The following MCUB variants were observed in gnomAD, a reference collection of about 807,000 sequenced individuals.
MCUB encodes calcium uniporter regulatory subunit MCUb, mitochondrial.
MCUB carries 46 observed loss-of-function variants against 41.4 expected under a neutral mutation model. That is an observed-to-expected ratio of 1.11 (90% CI 0.88 to 1.42). The LOEUF (loss-of-function observed/expected upper bound fraction) is 1.42. MCUB is among the 40% of genes most tolerant of loss of function. The probability of loss-of-function intolerance (pLI) is 0.00; values close to 1 mark genes in which losing one functional copy is unlikely to be tolerated. For synonymous variants in MCUB, 148 were observed against 148.2 expected, an observed-to-expected ratio of 1.00 and a Z score of 0.01; for missense variants, 403 against 404.9, an observed-to-expected ratio of 1.00 and a Z score of 0.04.
chr4:109,597,987 T>G (rs1727619532), intron 1 of MCUB, among the ~76,000 whole-genome samples: 1 of 145,938 alleles, frequency 6.9e-6, no homozygotes, highest in South Asian at 2.2e-4. Context: ...TCCCCACATC[T>G]CAGACGATGG....
chr4:109,560,401 C>T lies in MCUB; in HGVS notation c.64C>T (p.Pro22Ser), dbSNP rs1726592850. 1.5e-6 allele frequency: 2 copies of T among 1,320,858 alleles called. No homozygotes were observed. Among genetic ancestry groups the T allele is most frequent in the Admixed American group, 3.5e-5 (1 of 28,298 alleles). The allele number at this position is 1,320,858 out of a possible 1,614,324, so 81.8% of individuals were successfully genotyped here. The stretch of plus-strand genomic sequence containing the variant: ...GCTGCCGACCCCTGGCACCTGGCGC[C>T]CAGCGCGCCCGTGGCCGCTGCCGCC... ...RLLPTPGTWR[P>S]ARPWPLPPPP... Residue 22 changes from proline (P) to serine (S), a missense_variant, in exon 1 of 8, where the codon CCA becomes TCA. Physicochemically the swap from Pro to Ser is moderately conservative, Grantham distance 74. Coordinates refer to ENST00000394650, the MANE Select transcript of MCUB (RefSeq NM_017918.5).
At chr4:109,618,505 T>C (rs1449606323) in intron 1 of MCUB, among the ~76,000 whole-genome samples, 1 of 152,228 alleles carries the variant, frequency 6.6e-6, no homozygotes, top group East Asian at 1.9e-4. Flanking sequence ...CAAATCCTTG[T>C]CTTAGGCTCT....
At chr4:109,642,948 T>C (rs1209130749) in intron 1 of MCUB, among the ~76,000 whole-genome samples, 2 of 141,166 alleles carry the variant, frequency 1.4e-5, no homozygotes, top group Non-Finnish European at 1.5e-5. Context: ...CGGGCTGGAG[T>C]GCAATGGCGT....
intron 1 of MCUB, among the ~76,000 whole-genome samples, chr4:109,601,437 C>G (rs1404442317): frequency 6.6e-6 from 1 of 152,154 alleles, no homozygotes; most frequent in Non-Finnish European, 1.5e-5. Context: ...TCTACTTTCT[C>G]TCTCCATGAG....
In MCUB at chr4:109,652,746, T is replaced by G. The variant is rs531666421; in HGVS notation, c.100-6265T>G. 1.1e-4 allele frequency among the ~76,000 whole-genome samples: 17 copies of G among 152,340 alleles called. No homozygotes were observed. In the East Asian group the frequency reaches 3.1e-3, roughly 28 times the overall value. ...CATTAGGTTTCCAACACATGGACTC[T>G]GGGGGACACAATCAAATCACAGCAA... On this transcript the variant is annotated intron_variant, in intron 1 of 7. Transcript: ENST00000394650.
chr4:109,682,091 C>G (rs570286669), intron 4 of MCUB, among the ~76,000 whole-genome samples: 95 of 152,118 alleles, frequency 6.2e-4, no homozygotes, highest in Middle Eastern at 3.4e-3. Context: ...GGGTGTGAGC[C>G]AAGTTGCAAG....
At chr4:109,624,315 T>C (rs904425409) in intron 1 of MCUB, among the ~76,000 whole-genome samples, 1 of 152,210 alleles carries the variant, frequency 6.6e-6, no homozygotes, top group African/African-American at 2.4e-5. Context: ...ATGCCAGGCA[T>C]TTGCTCCGGC....
intron 3 of MCUB, among the ~76,000 whole-genome samples, chr4:109,663,763 A>G (rs1389269926): frequency 6.6e-6 from 1 of 152,248 alleles, no homozygotes; most frequent in Admixed American, 6.5e-5. Context: ...CATAAGCAGC[A>G]GAATGGACTC....
chr4:109,682,324 CTTT>C lies in MCUB; in HGVS notation c.452-247_452-245del, dbSNP rs11411542. On this transcript the variant is annotated intron_variant, in intron 4 of 7. Coordinates refer to ENST00000394650, the MANE Select transcript of MCUB (RefSeq NM_017918.5). ...TATGCCAAAGTCATTTTTTTGGTGA[CTTT>C]TTTTTTTTTTACCTTGTATATGAAC... 5.4e-5 allele frequency among the ~76,000 whole-genome samples: 8 copies of C among 147,322 alleles called. No individual in the cohort carries two copies. The Middle Eastern group carries it at 0.011, about 199-fold the overall frequency.
chr4:109,628,905 A>G (rs1223935974), intron 1 of MCUB, among the ~76,000 whole-genome samples: 1 of 152,186 alleles, frequency 6.6e-6, no homozygotes, highest in Non-Finnish European at 1.5e-5. Flanking sequence ...TTAGAATTAT[A>G]GACTGGAGTC....
At chr4:109,652,456 G>A (rs1174728618) in intron 1 of MCUB, among the ~76,000 whole-genome samples, 1 of 152,204 alleles carries the variant, frequency 6.6e-6, no homozygotes, top group Non-Finnish European at 1.5e-5. Flanking sequence ...CATAGACTGG[G>A]TAATTAATAA....
intron 4 of MCUB, among the ~76,000 whole-genome samples, chr4:109,679,479 C>T (rs1233338029): frequency 1.3e-5 from 2 of 152,156 alleles, no homozygotes; most frequent in East Asian, 1.9e-4. Flanking sequence ...AACCCCGTCT[C>T]CACCAAAAAT....
intron 1 of MCUB, among the ~76,000 whole-genome samples, chr4:109,610,344 C>T (rs1363233038): frequency 1.3e-5 from 2 of 151,488 alleles, no homozygotes; most frequent in African/African-American, 4.9e-5. Flanking sequence ...TTTGGTGTTC[C>T]TGTTGGAGGT....
intron 1 of MCUB, among the ~76,000 whole-genome samples, chr4:109,634,592 C>T (rs917558284): frequency 5.3e-5 from 8 of 151,964 alleles, no homozygotes; most frequent in Non-Finnish European, 1.2e-4. Flanking sequence ...TTACTGTTGC[C>T]TCTTTTTCAA....
chr4:109,624,047 T>A (rs1579070811), intron 1 of MCUB, among the ~76,000 whole-genome samples: 1 of 152,136 alleles, frequency 6.6e-6, no homozygotes, highest in South Asian at 2.1e-4. Flanking sequence ...GAGTCAAGAT[T>A]TTACTATGTT....
intron 1 of MCUB, among the ~76,000 whole-genome samples, chr4:109,640,639 C>A (rs1009780453): frequency 1.3e-4 from 20 of 152,214 alleles, no homozygotes; most frequent in Admixed American, 6.5e-5. Flanking sequence ...ACAGTTCTCT[C>A]ATTTCTCTCA....
intron 1 of MCUB, among the ~76,000 whole-genome samples, chr4:109,583,106 A>G (rs578122043): frequency 2.2e-4 from 33 of 152,318 alleles, no homozygotes; most frequent in African/African-American, 7.7e-4. Context: ...GAAGAAAGTC[A>G]TTGATAGCTT....
At chr4:109,566,343 G>A (rs940045630) in intron 1 of MCUB, among the ~76,000 whole-genome samples, 8 of 151,446 alleles carry the variant, frequency 5.3e-5, no homozygotes, top group East Asian at 3.9e-4. Context: ...GGTGGCGGGC[G>A]CCTGTAGTCC....
At chr4:109,674,271 T>G in intron 4 of MCUB, 1 of 643,242 alleles carries the variant, frequency 1.6e-6, no homozygotes, top group Non-Finnish European at 2.8e-6. Flanking sequence ...TCTTGCAGGC[T>G]TGATTTGCCT....
Sources: allele counts gnomAD v4.1 joint callset (sites outside exome capture counted in the v4.1 genomes callset), GRCh38; gene constraint gnomAD v4.1.1; transcripts MANE v1.5; gene names NCBI Gene and HGNC (gene_info 2026-07-23, HGNC 2026-07-21).